The following ZBTB8B variants were observed in gnomAD, a reference collection of about 807,000 sequenced individuals.
ZBTB8B encodes zinc finger and BTB domain-containing protein 8B.
ZBTB8B carries 17 observed loss-of-function variants against 30.3 expected under a neutral mutation model. The observed-to-expected ratio is 0.56, with a 90% confidence interval of 0.38 to 0.84. The LOEUF (loss-of-function observed/expected upper bound fraction) is 0.84, where lower values mean the gene tolerates loss of function less well. Ranked by LOEUF, ZBTB8B falls within the 40% of genes least tolerant of loss-of-function variation. The pLI, the probability that ZBTB8B is intolerant of heterozygous loss-of-function variation, is 0.00. For missense variants in ZBTB8B, 515 were observed against 644.9 expected (o/e 0.80, Z 2.18); for synonymous variants, 248 against 255.6 (o/e 0.97, Z 0.28).
rs1374613994 is a variant in ZBTB8B at position 32,484,933 on chromosome 1, T to C, written c.1171-168T>C. On this transcript the variant is annotated intron_variant, in intron 3 of 3. Coordinates refer to ENST00000609129, the MANE Select transcript of ZBTB8B (RefSeq NM_001145720.2). The surrounding 1 kb of genome is among the most constrained non-coding windows in gnomAD (Gnocchi z 4.5). ...TAAATTACCCAGTCTCAGGTATTTCTTTATAGCAGTGCAAGAACAGACTAA... is the reference window on the plus strand; with the variant it reads ...TAAATTACCCAGTCTCAGGTATTTCCTTATAGCAGTGCAAGAACAGACTAA... 6.6e-6 allele frequency among the ~76,000 whole-genome samples: 1 copy of C among 152,204 alleles called. No homozygotes were observed. The highest frequency in any genetic ancestry group is 2.4e-5 in the African/African-American group (1 of 41,450).
In ZBTB8B at chr1:32,486,302, C is replaced by A. The variant is rs1329988830; in HGVS notation, c.*884C>A. ...TTATGCTGATGTAGGGCAGGTGAGC[C>A]CAAAAATTGGGGCTTAGCCCAGAGG... On this transcript the variant is annotated 3_prime_UTR_variant, in exon 4 of 4. Transcript: ENST00000609129. 1 of 152,116 alleles carries A rather than the reference C, an allele frequency of 6.6e-6. No homozygotes were observed. The highest frequency in any genetic ancestry group is 2.4e-5 in the African/African-American group (1 of 41,420). The allele number at this position is 152,116 out of a possible 1,614,324, so 9.4% of individuals were successfully genotyped here. A position where few individuals can be genotyped will look rare whatever the true frequency, so the allele number is the denominator to read the frequency against.
At chr1:32,467,880 A>AG (rs910152963) in intron 1 of ZBTB8B, among the ~76,000 whole-genome samples, 9 of 151,968 alleles carry the variant, frequency 5.9e-5, no homozygotes, top group African/African-American at 1.4e-4. Flanking sequence ...TAGGAGGCTG[A>AG]GGGGGGCAGA....
Position 32,489,124 on chromosome 1 carries a change from A to G in ZBTB8B, c.*3706A>G, listed in dbSNP as rs1643763930. On this transcript the variant is annotated 3_prime_UTR_variant, in exon 4 of 4. Coordinates refer to ENST00000609129, the MANE Select transcript of ZBTB8B (RefSeq NM_001145720.2). ...CCTTCATAATATTTAGTAGCCCCTTATACTCTCGCAAATTTTAGAAAATAG... is the reference window on the plus strand; with the variant it reads ...CCTTCATAATATTTAGTAGCCCCTTGTACTCTCGCAAATTTTAGAAAATAG... 1 of 152,164 alleles carries G rather than the reference A, an allele frequency of 6.6e-6. No individual in the cohort carries two copies. The highest frequency in any genetic ancestry group is 2.1e-4 in the South Asian group (1 of 4,824). 9.4% of individuals were successfully genotyped at this position (152,164 alleles called of 1,614,324 possible).
intron 1 of ZBTB8B, among the ~76,000 whole-genome samples, chr1:32,469,245 A>AGTTTTT: frequency 1.6e-5 from 1 of 64,306 alleles, no homozygotes. Context: ...ACTCAAGTAT[A>AGTTTTT]ATTTTTTTTT....
In ZBTB8B at chr1:32,488,582, G is replaced by A. The variant is rs1285427634; in HGVS notation, c.*3164G>A. 3.9e-5 allele frequency: 6 copies of A among 152,234 alleles called. No individual in the cohort carries two copies. In the South Asian group the frequency reaches 8.3e-4, roughly 21 times the overall value. The allele number at this position is 152,234 out of a possible 1,614,324, so 9.4% of individuals were successfully genotyped here. A position where few individuals can be genotyped will look rare whatever the true frequency, so the allele number is the denominator to read the frequency against. ...ACTGGCATCTAGTGGGTAGAGGCCA[G>A]GGAAGCTGCCAAACATCCTGAAATG... On this transcript the variant is annotated 3_prime_UTR_variant, in exon 4 of 4. Coordinates refer to ENST00000609129, the MANE Select transcript of ZBTB8B (RefSeq NM_001145720.2).
At position 32,487,189 on chromosome 1, in the gene ZBTB8B, A is replaced by T. The variant is rs1054422441; in HGVS notation, c.*1771A>T. On this transcript the variant is annotated 3_prime_UTR_variant, in exon 4 of 4. Coordinates refer to ENST00000609129, the MANE Select transcript of ZBTB8B (RefSeq NM_001145720.2). ...AAAAACATTATAAATTGGCTTGTAA[A>T]TGTTAGCCAAAGCATTAGACAGGTG... 1 of 152,222 alleles carries T rather than the reference A, an allele frequency of 6.6e-6. No homozygotes were observed. Among genetic ancestry groups the T allele is most frequent in the African/African-American group, 2.4e-5 (1 of 41,466 alleles). 9.4% of individuals were successfully genotyped at this position (152,222 alleles called of 1,614,324 possible). A position where few individuals can be genotyped will look rare whatever the true frequency, so the allele number is the denominator to read the frequency against.
In ZBTB8B at chr1:32,485,758, A is replaced by C; in HGVS notation, c.*340A>C. 7.9e-6 allele frequency: 2 copies of C among 252,100 alleles called. No individual in the cohort carries two copies. The highest frequency in any genetic ancestry group is 1.5e-5 in the Non-Finnish European group (2 of 130,086). 15.6% of individuals were successfully genotyped at this position (252,100 alleles called of 1,614,324 possible). ...AATCTCCAGGCTTGTTTTTATATTG[A>C]TTCAGTCCTCTGCATTCCTTTGTTA... On this transcript the variant is annotated 3_prime_UTR_variant, in exon 4 of 4. Transcript: ENST00000609129.
intron 1 of ZBTB8B, among the ~76,000 whole-genome samples, chr1:32,467,789 T>C (rs1191444802): frequency 6.6e-6 from 1 of 151,988 alleles, no homozygotes; most frequent in Non-Finnish European, 1.5e-5. Flanking sequence ...ATCAGTCAGT[T>C]AGGAGTCTCC....
Position 32,485,096 on chromosome 1 carries a change from T to C in ZBTB8B, c.1171-5T>C, listed in dbSNP as rs745934345. 1 of 1,550,936 alleles carries C rather than the reference T, an allele frequency of 6.4e-7. No individual in the cohort carries two copies. The highest frequency in any genetic ancestry group is 8.7e-7 in the Non-Finnish European group (1 of 1,145,990). Reference sequence around the variant, plus strand: ...GACATCTACTGTGTCTGCTTGTGATTACAGGTCCACAGATCCAACCGTCCA... The same window carrying C: ...GACATCTACTGTGTCTGCTTGTGATCACAGGTCCACAGATCCAACCGTCCA... On this transcript the variant is annotated splice_region_variant and splice_polypyrimidine_tract_variant and intron_variant, in intron 3 of 3. Coordinates refer to ENST00000609129, the MANE Select transcript of ZBTB8B (RefSeq NM_001145720.2).
At position 32,496,457 on chromosome 1, in the gene ZBTB8B, G is replaced by C. The variant is rs1383248270; in HGVS notation, c.*11039G>C. 1 of 152,048 alleles carries C rather than the reference G, an allele frequency of 6.6e-6. No homozygotes were observed. Among genetic ancestry groups the C allele is most frequent in the Non-Finnish European group, 1.5e-5 (1 of 68,016 alleles). 9.4% of individuals were successfully genotyped at this position (152,048 alleles called of 1,614,324 possible). Reference sequence around the variant, plus strand: ...TGTCAAAACATATTTATTAAAAAGAGGAGCCAGAGTTGGAAATCATCTTGA... The same window carrying C: ...TGTCAAAACATATTTATTAAAAAGACGAGCCAGAGTTGGAAATCATCTTGA... On this transcript the variant is annotated 3_prime_UTR_variant, in exon 4 of 4. Coordinates refer to ENST00000609129, the MANE Select transcript of ZBTB8B (RefSeq NM_001145720.2).
At chr1:32,478,323 C>T (rs1001178267) in intron 2 of ZBTB8B, among the ~76,000 whole-genome samples, 2 of 151,976 alleles carry the variant, frequency 1.3e-5, no homozygotes, top group Non-Finnish European at 2.9e-5. Context: ...ATCATCCTGG[C>T]CAACATGGTG....
rs990826890 is a variant in ZBTB8B, at chr1:32,471,044, G to GGCAGCGGCGGCGGCT, written c.432_446dup (p.Ala149_Ala153dup). On this transcript the variant is annotated inframe_insertion, in exon 2 of 4. Coordinates refer to ENST00000609129, the MANE Select transcript of ZBTB8B (RefSeq NM_001145720.2). The stretch of plus-strand genomic sequence containing the variant: ...CTGCTGTGGCTGCAGCAGTGGCGGC[G>GGCAGCGGCGGCGGCT]GCAGCGGCGGCGGCTGCAGCGGCGG... The GGCAGCGGCGGCGGCT allele has an allele frequency of 1.9e-6, 3 of 1,549,906 alleles. No individual in the cohort carries two copies. The highest frequency in any genetic ancestry group is 2.6e-6 in the Non-Finnish European group (3 of 1,146,332).
Position 32,487,360 on chromosome 1 carries a change from G to A in ZBTB8B, c.*1942G>A, listed in dbSNP as rs1643753286. 1 of 152,164 alleles carries A rather than the reference G, an allele frequency of 6.6e-6. No individual in the cohort carries two copies. Among genetic ancestry groups the A allele is most frequent in the Admixed American group, 6.5e-5 (1 of 15,276 alleles). 9.4% of individuals were successfully genotyped at this position (152,164 alleles called of 1,614,324 possible). A position where few individuals can be genotyped will look rare whatever the true frequency, so the allele number is the denominator to read the frequency against. ...TTAAGAATACACATATAGAAATGTTGATAACACTTTGACATTGCTGTGACT... is the reference window on the plus strand; with the variant it reads ...TTAAGAATACACATATAGAAATGTTAATAACACTTTGACATTGCTGTGACT... On this transcript the variant is annotated 3_prime_UTR_variant, in exon 4 of 4. Transcript: ENST00000609129.
rs1643764723 is a variant in ZBTB8B at position 32,489,248 on chromosome 1, T to G, written c.*3830T>G. ...GGAAACTTAGAAAATTCTGACTCATTCATACACCCAGAATCGTTACTAGGT... is the reference window on the plus strand; with the variant it reads ...GGAAACTTAGAAAATTCTGACTCATGCATACACCCAGAATCGTTACTAGGT... On this transcript the variant is annotated 3_prime_UTR_variant, in exon 4 of 4. Coordinates refer to ENST00000609129, the MANE Select transcript of ZBTB8B (RefSeq NM_001145720.2). 6.6e-6 allele frequency: 1 copy of G among 152,242 alleles called. No individual in the cohort carries two copies. Among genetic ancestry groups the G allele is most frequent in the Non-Finnish European group, 1.5e-5 (1 of 68,036 alleles). 9.4% of individuals were successfully genotyped at this position (152,242 alleles called of 1,614,324 possible).
Position 32,485,163 on chromosome 1 carries a change from G to A in ZBTB8B, c.1233G>A (p.Leu411=). ...KGCRRTFTSH[L]SQGLRRFGLC... ...GCAGGAGAACATTCACGAGTCACCT[G>A]TCCCAGGGGCTGCGGCGCTTCGGGC... The change falls in exon 4 of 4, where the codon CTG becomes CTA. Residue 411 remains leucine (L), a synonymous_variant. Transcript: ENST00000609129. 6.4e-7 allele frequency: 1 copy of A among 1,552,096 alleles called. No homozygotes were observed. The highest frequency in any genetic ancestry group is 8.7e-7 in the Non-Finnish European group (1 of 1,147,088).
At position 32,488,055 on chromosome 1, in the gene ZBTB8B, T is replaced by A. The variant is rs1643757488; in HGVS notation, c.*2637T>A. The A allele has an allele frequency of 6.6e-6, 1 of 152,012 alleles. No individual in the cohort carries two copies. 9.4% of individuals were successfully genotyped at this position (152,012 alleles called of 1,614,324 possible). A position where few individuals can be genotyped will look rare whatever the true frequency, so the allele number is the denominator to read the frequency against. ...GAGTTCAAGACCAGCCTGGCCAACA[T>A]GGAGAAACCCCGTCTCTACTAAAAA... On this transcript the variant is annotated 3_prime_UTR_variant, in exon 4 of 4. Transcript: ENST00000609129.
intron 1 of ZBTB8B, among the ~76,000 whole-genome samples, chr1:32,469,285 G>T (rs368800270): frequency 8.0e-6 from 1 of 125,474 alleles, no homozygotes; most frequent in Non-Finnish European, 1.6e-5. Context: ...TCACTCTGTC[G>T]CCCAGGCTGG....
At position 32,489,799 on chromosome 1, in the gene ZBTB8B, A is replaced by G. The variant is rs948943381; in HGVS notation, c.*4381A>G. 1 of 152,234 alleles carries G rather than the reference A, an allele frequency of 6.6e-6. No homozygotes were observed. The highest frequency in any genetic ancestry group is 1.9e-4 in the East Asian group (1 of 5,202). The allele number at this position is 152,234 out of a possible 1,614,324, so 9.4% of individuals were successfully genotyped here. A position where few individuals can be genotyped will look rare whatever the true frequency, so the allele number is the denominator to read the frequency against. Reference sequence around the variant, plus strand: ...CTTCTCAAAAGTTGAGAAGGAATGTAAATAGGGCCTTACCTATAATAATTA... The same window carrying G: ...CTTCTCAAAAGTTGAGAAGGAATGTGAATAGGGCCTTACCTATAATAATTA... On this transcript the variant is annotated 3_prime_UTR_variant, in exon 4 of 4. Transcript: ENST00000609129.
At position 32,470,673 on chromosome 1, in the gene ZBTB8B, C is replaced by G. The variant is rs1198704704; in HGVS notation, c.49C>G (p.Gln17Glu). Residue 17 changes from glutamine to glutamate, a missense_variant, in exon 2 of 4, where the codon CAG becomes GAG. This residue lies in a region of ZBTB8B where 25 missense variants were observed against 22.9 expected (regional missense o/e 1.09). Coordinates refer to ENST00000609129, the MANE Select transcript of ZBTB8B (RefSeq NM_001145720.2). ...CAAGCTTTTGGGGGAGCTGAATGAA[C>G]AGAGAAAGAGGGACTTTTTCTGTGA... Reference protein sequence around the residue: ...YAKLLGELNEQRKRDFFCDCS... With the variant: ...YAKLLGELNEERKRDFFCDCS... 6.4e-7 allele frequency: 1 copy of G among 1,551,622 alleles called. No homozygotes were observed. The highest frequency in any genetic ancestry group is 2.4e-5 in the East Asian group (1 of 40,922).
Sources: gnomAD v4.1 joint callset for allele counts (sites outside exome capture counted in the v4.1 genomes callset) on GRCh38, gnomAD v4.1.1 for gene constraint, gnomAD v4.1.1 regional missense constraint, Gnocchi (gnomAD v3.1) non-coding constraint, MANE v1.5 for transcripts, NCBI Gene and HGNC (gene_info 2026-07-23, HGNC 2026-07-21) for gene names.